RNF13: variants seen among roughly 807,000 people sequenced by gnomAD.
The protein encoded by RNF13 is ring finger protein 13.
Under a neutral mutation model 37.7 loss-of-function variants are expected in RNF13, and 19 were observed. The observed-to-expected ratio is 0.50, with a 90% CI of 0.35 to 0.74. The LOEUF is 0.74. Ranked by LOEUF, RNF13 falls within the 30% of genes least tolerant of loss-of-function variation. The probability of loss-of-function intolerance (pLI) is 0.01; values close to 1 mark genes in which losing one functional copy is unlikely to be tolerated. For missense variants in RNF13, 375 were observed against 453.0 expected, an observed-to-expected ratio of 0.83 and a Z score of 1.56; for synonymous variants, 144 against 157.8, an observed-to-expected ratio of 0.91 and a Z score of 0.65.
chr3:149,880,880 A>G (rs1035799514), intron 4 of RNF13, among the ~76,000 whole-genome samples: 6 of 152,144 alleles, frequency 3.9e-5, no homozygotes, highest in Non-Finnish European at 8.8e-5. Flanking sequence ...AACTATCTAT[A>G]TGAGTGAGTT....
chr3:149,896,553 C>T (rs1430411101), intron 5 of RNF13, among the ~76,000 whole-genome samples: 2 of 151,046 alleles, frequency 1.3e-5, no homozygotes, highest in Non-Finnish European at 2.9e-5. Context: ...GATGTTGGCT[C>T]ACCGCAACCT....
At chr3:149,847,944 T>C (rs980218125) in intron 2 of RNF13, among the ~76,000 whole-genome samples, 1 of 152,238 alleles carries the variant, frequency 6.6e-6, no homozygotes, top group Non-Finnish European at 1.5e-5. Context: ...TGTTGTGCTC[T>C]GGGAACTTAA....
At position 149,956,216 on chromosome 3, in the gene RNF13, GCTAAAAA is replaced by G. The variant is rs1010003325; in HGVS notation, c.701-3836_701-3830del. On this transcript the variant is annotated intron_variant, in intron 8 of 9. Transcript: ENST00000392894. ...TCATTTTTAAAAGATCACTCTAGGT[GCTAAAAA>G]CTACATGGGGCAGGACTAGATGGGA... 3.1e-4 allele frequency among the ~76,000 whole-genome samples: 47 copies of G among 152,154 alleles called. 1 individual carries two copies. Among genetic ancestry groups the G allele is most frequent in the Admixed American group, 2.6e-4 (4 of 15,272 alleles).
At chr3:149,946,904 A>G (rs1370061167) in intron 8 of RNF13, among the ~76,000 whole-genome samples, 1 of 152,028 alleles carries the variant, frequency 6.6e-6, no homozygotes, top group Non-Finnish European at 1.5e-5. Flanking sequence ...TTCCTTTTTA[A>G]TAAGACTTTC....
chr3:149,952,052 A>G (rs530682239), intron 8 of RNF13, among the ~76,000 whole-genome samples: 3 of 152,188 alleles, frequency 2.0e-5, no homozygotes, highest in East Asian at 3.9e-4. Flanking sequence ...TCAACTCACT[A>G]TGTCAAAGAG....
intron 8 of RNF13, among the ~76,000 whole-genome samples, chr3:149,922,770 A>C (rs1718276843): frequency 6.6e-6 from 1 of 152,194 alleles, no homozygotes. Context: ...AGGAATTTTA[A>C]TATCACATAG....
chr3:149,878,369 GA>G (rs1449585585), intron 4 of RNF13, among the ~76,000 whole-genome samples: 9 of 152,294 alleles, frequency 5.9e-5, no homozygotes. Flanking sequence ...TAATATTAAT[GA>G]GAGTTAAAAT....
intron 8 of RNF13, among the ~76,000 whole-genome samples, chr3:149,944,772 T>C (rs1245024436): frequency 6.6e-6 from 1 of 152,250 alleles, no homozygotes; most frequent in East Asian, 1.9e-4. Flanking sequence ...CTGTTCACTC[T>C]GATGGTAGTT....
intron 8 of RNF13, among the ~76,000 whole-genome samples, chr3:149,951,194 C>T (rs1272890798): frequency 1.3e-5 from 2 of 152,130 alleles, no homozygotes; most frequent in African/African-American, 2.4e-5. Context: ...GCTACCAGTA[C>T]TGGTTCTTAT....
chr3:149,892,043 C>T (rs888773725), intron 4 of RNF13, among the ~76,000 whole-genome samples: 20 of 152,016 alleles, frequency 1.3e-4, no homozygotes, highest in African/African-American at 4.8e-4. Context: ...TTTTAAAAAT[C>T]GATAAAAACA....
intron 8 of RNF13, among the ~76,000 whole-genome samples, chr3:149,931,078 T>TG (rs1313404849): frequency 6.6e-6 from 1 of 152,074 alleles, no homozygotes; most frequent in Non-Finnish European, 1.5e-5. Flanking sequence ...GTTTTTTTTC[T>TG]GGGGGGACAA....
intron 4 of RNF13, among the ~76,000 whole-genome samples, chr3:149,892,546 T>G (rs993980355): frequency 4.7e-4 from 72 of 152,250 alleles, no homozygotes; most frequent in African/African-American, 1.7e-3. Context: ...GTCCCGTACC[T>G]GTTAGGAAAT....
intron 4 of RNF13, among the ~76,000 whole-genome samples, chr3:149,885,335 A>G (rs1435589015): frequency 6.6e-6 from 1 of 152,104 alleles, no homozygotes; most frequent in Non-Finnish European, 1.5e-5. Context: ...GTGCTAATTT[A>G]CATTCCTACC....
At chr3:149,911,037 GT>G (rs1716947241) in intron 6 of RNF13, among the ~76,000 whole-genome samples, 1 of 152,094 alleles carries the variant, frequency 6.6e-6, no homozygotes, top group African/African-American at 2.4e-5. Flanking sequence ...CATTTCTGTA[GT>G]TTTTTTCAGT....
intron 1 of RNF13, among the ~76,000 whole-genome samples, chr3:149,815,651 A>C (rs1331011020): frequency 1.3e-5 from 2 of 152,230 alleles, no homozygotes; most frequent in Non-Finnish European, 2.9e-5. Context: ...TATTCTATAG[A>C]TATTTATTGA....
At chr3:149,846,217 A>G (rs1210324612) in intron 2 of RNF13, 77 bp downstream of exon 2, 4 of 921,110 alleles carry the variant, frequency 4.3e-6, no homozygotes, top group African/African-American at 3.3e-5. Context: ...AATGATATTT[A>G]TAAGACATTG....
At chr3:149,845,679 C>T in intron 1 of RNF13, 3 of 167,348 alleles carry the variant, frequency 1.8e-5, no homozygotes, top group Non-Finnish European at 3.8e-5. Context: ...TGTTTTTAAC[C>T]ATTATTTTGG....
At chr3:149,830,994 G>A (rs1220655890) in intron 1 of RNF13, among the ~76,000 whole-genome samples, 3 of 152,250 alleles carry the variant, frequency 2.0e-5, no homozygotes, top group Non-Finnish European at 4.4e-5. Flanking sequence ...TCCACGTGGT[G>A]TTGAGCTGCA....
chr3:149,961,120 T>C lies in RNF13; in HGVS notation c.*16T>C, dbSNP rs780511219. On this transcript the variant is annotated 3_prime_UTR_variant, in exon 10 of 10. Coordinates refer to ENST00000392894, the MANE Select transcript of RNF13 (RefSeq NM_183381.3). ...TACTGTTTGACTTTCAGAAGATGAT[T>C]GGTTTATTTCCCTTTAAAATGATTA... The C allele has an allele frequency of 6.3e-7, 1 of 1,582,048 alleles. No homozygotes were observed. Among genetic ancestry groups the C allele is most frequent in the South Asian group, 1.2e-5 (1 of 85,088 alleles).
Sources: gnomAD v4.1 joint callset for allele counts (sites outside exome capture counted in the v4.1 genomes callset) on GRCh38, gnomAD v4.1.1 for gene constraint, MANE v1.5 for transcripts, NCBI Gene and HGNC (gene_info 2026-07-23, HGNC 2026-07-21) for gene names.